Variants in ALMS1 observed in about 807,000 individuals in gnomAD.
ALMS1 encodes the protein centrosome-associated protein ALMS1.
A neutral mutation model predicts 352.2 loss-of-function variants in ALMS1; 271 were observed. The observed-to-expected ratio is 0.77, with a 90% CI of 0.70 to 0.85. ALMS1 has a LOEUF of 0.85. Ranked by LOEUF, ALMS1 falls within the 40% of genes least tolerant of loss-of-function variation. The pLI is 0.00. For synonymous variants in ALMS1, 1,865 were observed against 1,761.2 expected, an observed-to-expected ratio of 1.06 and a Z score of -1.48; for missense variants, 5,445 against 4,870.7, an observed-to-expected ratio of 1.12 and a Z score of -3.51.
Position 73,559,161 on chromosome 2 carries a change from G to C in ALMS1, c.10384+19G>C. 1 of 1,608,876 alleles carries C rather than the reference G, an allele frequency of 6.2e-7. No homozygotes were observed. The highest frequency in any genetic ancestry group is 8.5e-7 in the Non-Finnish European group (1 of 1,177,090). On this transcript the variant is annotated intron_variant, in intron 15 of 22. Coordinates refer to ENST00000613296, the MANE Select transcript of ALMS1 (RefSeq NM_001378454.1). ...ATTGAAGGTAATGGGATTGGGTTGT[G>C]TATGAGTGTGTGTGTCTTTGTGTGT...
At position 73,550,422 on chromosome 2, in the gene ALMS1, C is replaced by A; in HGVS notation, c.10063C>A (p.Gln3355Lys). The change falls in exon 13 of 23, where the codon CAG becomes AAG. Residue 3355 changes from glutamine (Q) to lysine (K), a missense_variant. Gln to Lys is a moderately conservative substitution (Grantham distance 53). Transcript: ENST00000613296. Reference sequence around the variant, plus strand: ...CTTGCCAGTGGGAGAAAAACCCTTGCAGAATGAAAATGCAGGTAACTGGAT... The same window carrying A: ...CTTGCCAGTGGGAGAAAAACCCTTGAAGAATGAAAATGCAGGTAACTGGAT... ...ASLPVGEKPL[Q>K]NENADASVQV... is the part of the protein sequence containing the mutation. The A allele has an allele frequency of 6.2e-7, 1 of 1,614,072 alleles. No individual in the cohort carries two copies. The highest frequency in any genetic ancestry group is 8.5e-7 in the Non-Finnish European group (1 of 1,179,970).
At chr2:73,478,134 C>T (rs1356915558) in intron 9 of ALMS1, among the ~76,000 whole-genome samples, 3 of 152,098 alleles carry the variant, frequency 2.0e-5, no homozygotes, top group Non-Finnish European at 2.9e-5. Context: ...TTAAAGAAAT[C>T]CCTTCCATTC....
chr2:73,486,582 G>C (rs1428832141), intron 9 of ALMS1, among the ~76,000 whole-genome samples: 3 of 152,162 alleles, frequency 2.0e-5, no homozygotes, highest in African/African-American at 7.2e-5. Flanking sequence ...TCAGCTCCAA[G>C]TCTGTATATG....
chr2:73,483,460 T>C (rs902268193), intron 9 of ALMS1, among the ~76,000 whole-genome samples: 5 of 151,988 alleles, frequency 3.3e-5, no homozygotes, highest in African/African-American at 9.7e-5. Context: ...ATTTCTGTTC[T>C]TTTACATTTG....
At chr2:73,421,993 A>G (rs1194324031) in intron 3 of ALMS1, among the ~76,000 whole-genome samples, 1 of 152,156 alleles carries the variant, frequency 6.6e-6, no homozygotes, top group Non-Finnish European at 1.5e-5. Context: ...CTTTTTGGGT[A>G]ACAGGATTCT....
At chr2:73,447,902 A>C in intron 7 of ALMS1, 58 bp from the exon 8 acceptor site, 2 of 1,508,896 alleles carry the variant, frequency 1.3e-6, no homozygotes, top group Non-Finnish European at 1.8e-6. Flanking sequence ...TTTTTCCAGC[A>C]CATAGAATTT....
rs1354879139 is a variant in ALMS1 at position 73,451,835 on chromosome 2, C to T, written c.5308C>T (p.Gln1770Ter). 6.2e-7 allele frequency: 1 copy of T among 1,613,888 alleles called. No individual in the cohort carries two copies. Among genetic ancestry groups the T allele is most frequent in the East Asian group, 2.2e-5 (1 of 44,850 alleles). Residue 1770 changes from glutamine (Q) to a stop codon, truncating the protein, a stop_gained, in exon 8 of 23, where the codon CAG (glutamine) becomes TAG (stop). Coordinates refer to ENST00000613296, the MANE Select transcript of ALMS1 (RefSeq NM_001378454.1). LOFTEE classifies it high-confidence loss of function. ...TACAGAGAAGCCTAATATTTCTTAC[C>T]AGCAAGAGTTGCCAGATAGTCATCT... Reference protein sequence around the residue: ...SHTEKPNISYQQELPDSHLTE... With the variant: ...SHTEKPNISY
chr2:73,448,709 C>G lies in ALMS1; in HGVS notation c.2182C>G (p.Gln728Glu). The G allele has an allele frequency of 6.2e-7, 1 of 1,605,298 alleles. No homozygotes were observed. Among genetic ancestry groups the G allele is most frequent in the Non-Finnish European group, 8.5e-7 (1 of 1,174,098 alleles). ...AGAGAAGCCTGGTATTTTTTACCAA[C>G]AAGAGTTCGCAGACAGTCATCAAAC... is the stretch of plus-strand genomic sequence containing the variant. The part of the protein sequence containing the change: ...HREKPGIFYQ[Q>E]EFADSHQTEE... Residue 728 changes from glutamine to glutamate, a missense_variant, in exon 8 of 23, where the codon CAA becomes GAA. Coordinates refer to ENST00000613296, the MANE Select transcript of ALMS1 (RefSeq NM_001378454.1).
In ALMS1 at chr2:73,606,531, T is replaced by C. The variant is rs567049478; in HGVS notation, c.12363-1944T>C. ...GTATCAATGCTTTCGACGAGAAATA[T>C]ATGAGTGGATTTAGTGCCCATCTTC... On this transcript the variant is annotated intron_variant, in intron 21 of 22. Coordinates refer to ENST00000613296, the MANE Select transcript of ALMS1 (RefSeq NM_001378454.1). Among the ~76,000 whole-genome samples, 10 of 152,360 alleles carry C rather than the reference T, an allele frequency of 6.6e-5. No individual in the cohort carries two copies. In the South Asian group the frequency reaches 8.3e-4, roughly 13 times the overall value.
At chr2:73,395,535 C>T (rs56672945) in intron 1 of ALMS1, among the ~76,000 whole-genome samples, 50,973 of 151,866 alleles carry the variant, frequency 0.34, 11,534 homozygotes, top group African/African-American at 0.65. Flanking sequence ...CTTCAAAATA[C>T]TGTTTTTAAT....
rs1316384703 is a variant in ALMS1 at position 73,435,197 on chromosome 2, AT to A, written c.1432+2907del. On this transcript the variant is annotated intron_variant, in intron 7 of 22. Transcript: ENST00000613296. ...CTTGAGTTTTTAATTTTAAAATTCTATCTGTTTTTGCCTTGTGATGTGATTA... is the reference window on the plus strand; with the variant it reads ...CTTGAGTTTTTAATTTTAAAATTCTACTGTTTTTGCCTTGTGATGTGATTA... Among the ~76,000 whole-genome samples the A allele has an allele frequency of 3.9e-5, 6 of 152,224 alleles. No homozygotes were observed. The East Asian group carries it at 1.2e-3, about 29-fold the overall frequency.
In ALMS1 at chr2:73,392,260, ATGTGTGTG is replaced by A. The variant is rs60487895; in HGVS notation, c.324+6098_324+6105del. 5.6e-3 allele frequency among the ~76,000 whole-genome samples: 819 copies of A among 146,446 alleles called. 7 individuals are homozygous for A. Among genetic ancestry groups the A allele is most frequent in the African/African-American group, 7.2e-3 (283 of 39,446 alleles). On this transcript the variant is annotated intron_variant, in intron 1 of 22. Coordinates refer to ENST00000613296, the MANE Select transcript of ALMS1 (RefSeq NM_001378454.1). ...TTACTATTTCCTTAGGTTTACTTTGATGTGTGTGTGTGTGTGTGTGTGTGTGTGTGTGT... is the reference window on the plus strand; with the variant it reads ...TTACTATTTCCTTAGGTTTACTTTGATGTGTGTGTGTGTGTGTGTGTGTGT...
chr2:73,480,184 T>A (rs1244482471), intron 9 of ALMS1, among the ~76,000 whole-genome samples: 1 of 152,088 alleles, frequency 6.6e-6, no homozygotes, highest in Non-Finnish European at 1.5e-5. Flanking sequence ...CACTAACTTG[T>A]CATCTAGCAT....
chr2:73,505,183 T>C (rs921206874), intron 10 of ALMS1, among the ~76,000 whole-genome samples: 2 of 152,242 alleles, frequency 1.3e-5, no homozygotes, highest in African/African-American at 4.8e-5. Context: ...GCAGTAAACA[T>C]ACATGTGCAT....
chr2:73,586,724 T>C (rs1156700563), intron 16 of ALMS1, among the ~76,000 whole-genome samples: 1 of 152,206 alleles, frequency 6.6e-6, no homozygotes, highest in Non-Finnish European at 1.5e-5. Flanking sequence ...ATGCTTCGGC[T>C]GTGTGTGCTG....
Position 73,609,615 on chromosome 2 carries a change from C to G in ALMS1, c.*3C>G, listed in dbSNP as rs1181480737. The G allele has an allele frequency of 6.2e-7, 1 of 1,613,892 alleles. No individual in the cohort carries two copies. The highest frequency in any genetic ancestry group is 1.3e-5 in the African/African-American group (1 of 75,054). ...GGAGAAAAGTTCCCTGGGACTGACA[C>G]AAGTTTATTTTCCTCAGAGCCTTGG... On this transcript the variant is annotated 3_prime_UTR_variant, in exon 23 of 23. Transcript: ENST00000613296.
chr2:73,495,211 CCT>C (rs914395184), intron 10 of ALMS1, among the ~76,000 whole-genome samples: 1 of 151,934 alleles, frequency 6.6e-6, no homozygotes, highest in African/African-American at 2.4e-5. Flanking sequence ...ATTAAAAATC[CCT>C]CTTTTTATTG....
intron 7 of ALMS1, among the ~76,000 whole-genome samples, chr2:73,443,191 G>C (rs1183280835): frequency 6.6e-6 from 1 of 152,152 alleles, no homozygotes; most frequent in Non-Finnish European, 1.5e-5. Context: ...TGGAGTTCTT[G>C]CTTTCCATTG....
Position 73,509,048 on chromosome 2 carries a change from G to GT in ALMS1, c.9540-10718dup, listed in dbSNP as rs755117726. Among the ~76,000 whole-genome samples, 27 of 150,730 alleles carry GT rather than the reference G, an allele frequency of 1.8e-4. 1 individual carries two copies. Among genetic ancestry groups the GT allele is most frequent in the East Asian group, 7.8e-4 (4 of 5,150 alleles). On this transcript the variant is annotated intron_variant, in intron 10 of 22. Coordinates refer to ENST00000613296, the MANE Select transcript of ALMS1 (RefSeq NM_001378454.1). ...ATCAGAGACTAGGATTTCAACCCCT[G>GT]TTTTTTTTTGTTGTTTTGTTGTTGT...
Sources: allele counts gnomAD v4.1 joint callset (sites outside exome capture counted in the v4.1 genomes callset), GRCh38; gene constraint gnomAD v4.1.1; transcripts MANE v1.5; gene names NCBI Gene and HGNC (gene_info 2026-07-23, HGNC 2026-07-21).